The following ME2 variants were observed in gnomAD, a reference collection of about 807,000 sequenced individuals.
ME2 encodes malic enzyme 2, also known as NAD-dependent malic enzyme, mitochondrial.
ME2 carries 60 observed loss-of-function variants against 73.7 expected under a neutral mutation model. That is an observed-to-expected ratio of 0.81 (90% CI 0.66 to 1.01). ME2 has a LOEUF of 1.01. ME2 is among the 50% of genes least tolerant of loss of function. The probability of loss-of-function intolerance (pLI) is 0.00; values close to 1 mark genes in which losing one functional copy is unlikely to be tolerated. For synonymous variants in ME2, 199 were observed against 236.9 expected (o/e 0.84, Z 1.47); for missense variants, 594 against 705.5 (o/e 0.84, Z 1.79).
chr18:50,927,670 C>G (rs1168617334), intron 12 of ME2, among the ~76,000 whole-genome samples: 1 of 141,668 alleles, frequency 7.1e-6, no homozygotes, highest in Non-Finnish European at 1.5e-5. Context: ...CCACTGCACT[C>G]CAGCCTGGGT....
intron 1 of ME2, among the ~76,000 whole-genome samples, chr18:50,892,652 T>C (rs1414641862): frequency 6.6e-6 from 1 of 152,232 alleles, no homozygotes; most frequent in Non-Finnish European, 1.5e-5. Flanking sequence ...TCAGCCACTT[T>C]GCTGAAGTCT....
At chr18:50,885,246 G>T (rs1251994352) in intron 1 of ME2, among the ~76,000 whole-genome samples, 1 of 152,188 alleles carries the variant, frequency 6.6e-6, no homozygotes, top group Non-Finnish European at 1.5e-5. Flanking sequence ...TTTTAGCTGG[G>T]TGTGATGGCT....
At chr18:50,924,353 G>C in intron 11 of ME2, 141 bp downstream of exon 11, 1 of 585,500 alleles carries the variant, frequency 1.7e-6, no homozygotes, top group Non-Finnish European at 3.0e-6. Flanking sequence ...ATAACTTTTT[G>C]GTTACCATGC....
chr18:50,912,948 T>G lies in ME2; in HGVS notation c.390T>G (p.Pro130=). 1 of 1,584,798 alleles carries G rather than the reference T, an allele frequency of 6.3e-7. No individual in the cohort carries two copies. The highest frequency in any genetic ancestry group is 8.5e-7 in the Non-Finnish European group (1 of 1,171,220). ...CSQYGHIFRR[P]KGLFISISDR... ...AGTATGGACACATCTTTAGAAGACC[T>G]AAGTAAGGCTTGTTTAAAAAAAAGC... The change falls in exon 4 of 16, where the codon CCT becomes CCG. Residue 130 remains proline, a splice_region_variant and synonymous_variant. Coordinates refer to ENST00000321341, the MANE Select transcript of ME2 (RefSeq NM_002396.5).
At chr18:50,946,938 T>C (rs1026836227) in intron 15 of ME2, 79 bp from the exon 16 acceptor site, 5 of 1,007,562 alleles carry the variant, frequency 5.0e-6, no homozygotes, top group Non-Finnish European at 4.5e-6. Flanking sequence ...TAAACTTATT[T>C]TCCTGTGTTA....
intron 12 of ME2, among the ~76,000 whole-genome samples, chr18:50,928,257 T>C (rs1917610950): frequency 6.6e-6 from 1 of 151,732 alleles, no homozygotes; most frequent in Non-Finnish European, 1.5e-5. Context: ...TTTTTCTTTT[T>C]TTTTTTGAGA....
At chr18:50,938,724 G>A (rs1917872238) in intron 13 of ME2, among the ~76,000 whole-genome samples, 1 of 152,148 alleles carries the variant, frequency 6.6e-6, no homozygotes, top group Non-Finnish European at 1.5e-5. Flanking sequence ...GGTTTTCTAG[G>A]ATGACAGCTC....
intron 13 of ME2, 188 bp downstream of exon 13, chr18:50,932,548 G>T (rs867220103): frequency 2.3e-6 from 1 of 435,454 alleles, no homozygotes; most frequent in Non-Finnish European, 4.1e-6. Flanking sequence ...TATTCATATT[G>T]TTAATTAAAT....
intron 5 of ME2, chr18:50,916,479 G>T: frequency 5.5e-6 from 2 of 362,698 alleles, no homozygotes; most frequent in Non-Finnish European, 4.9e-6. Flanking sequence ...GAGCCCTCTC[G>T]GTATCAGCAC....
Position 50,944,070 on chromosome 18 carries a change from C to T in ME2, c.1588-2947C>T, listed in dbSNP as rs758821331. On this transcript the variant is annotated intron_variant, in intron 15 of 15. Coordinates refer to ENST00000321341, the MANE Select transcript of ME2 (RefSeq NM_002396.5). ...CATCTCTACCAAAAAAAAAATTAGC[C>T]GGGCACAGTGATATGTGCCTGTAGT... Among the ~76,000 whole-genome samples the T allele has an allele frequency of 2.6e-4, 39 of 152,032 alleles. 1 individual carries two copies. The highest frequency in any genetic ancestry group is 4.3e-4 in the Non-Finnish European group (29 of 68,006).
rs1918112298 is a variant in ME2 at position 50,947,400 on chromosome 18, C to CT, written c.*219dup. On this transcript the variant is annotated 3_prime_UTR_variant, in exon 16 of 16. Coordinates refer to ENST00000321341, the MANE Select transcript of ME2 (RefSeq NM_002396.5). ...ACCCTACAGTCAGATAGTTGTGATGCTTTAATTCTAACATACAGCCCGTAC... is the reference window on the plus strand; with the variant it reads ...ACCCTACAGTCAGATAGTTGTGATGCTTTTAATTCTAACATACAGCCCGTAC... 3.8e-6 allele frequency: 2 copies of CT among 530,982 alleles called. No homozygotes were observed. The highest frequency in any genetic ancestry group is 6.7e-6 in the Non-Finnish European group (2 of 299,234). 32.9% of individuals were successfully genotyped at this position (530,982 alleles called of 1,614,324 possible).
chr18:50,894,658 CAGG>C (rs1317793858), intron 1 of ME2, among the ~76,000 whole-genome samples: 22 of 151,404 alleles, frequency 1.5e-4, no homozygotes, highest in African/African-American at 5.1e-4. Flanking sequence ...ATCACAAGGT[CAGG>C]AGATCGAGAC....
In ME2 at chr18:50,918,171, A is replaced by T. The variant is rs199794906; in HGVS notation, c.692A>T (p.Tyr231Phe). The change falls in exon 7 of 16, where the codon TAT becomes TTT. Residue 231 changes from tyrosine (Y) to phenylalanine (F), a missense_variant. Coordinates refer to ENST00000321341, the MANE Select transcript of ME2 (RefSeq NM_002396.5). ...CAGAAACGAGATCGCACACAACAGT[A>T]TGATGACCTGATTGATGAGTTTATG... Reference protein sequence around the residue: ...LYQKRDRTQQYDDLIDEFMKA... With the variant: ...LYQKRDRTQQFDDLIDEFMKA... 2.5e-6 allele frequency: 4 copies of T among 1,610,924 alleles called. No homozygotes were observed. The highest frequency in any genetic ancestry group is 3.4e-6 in the Non-Finnish European group (4 of 1,177,830).
intron 4 of ME2, chr18:50,915,880 C>A: frequency 4.8e-6 from 1 of 209,162 alleles, no homozygotes; most frequent in Admixed American, 6.0e-5. Context: ...TTTTTTTTTT[C>A]CTGGTGGTGT....
intron 10 of ME2, among the ~76,000 whole-genome samples, chr18:50,921,816 C>G (rs1045771362): frequency 6.6e-6 from 1 of 152,120 alleles, no homozygotes; most frequent in African/African-American, 2.4e-5. Context: ...AGCATGTGCT[C>G]CTGAAACCAA....
At chr18:50,892,749 G>A (rs1916635515) in intron 1 of ME2, among the ~76,000 whole-genome samples, 1 of 152,016 alleles carries the variant, frequency 6.6e-6, no homozygotes, top group African/African-American at 2.4e-5. Context: ...GACCTTCGTT[G>A]TAAATGGGCC....
intron 12 of ME2, among the ~76,000 whole-genome samples, chr18:50,927,721 C>CTTATAT (rs1555678357): frequency 1.2e-5 from 1 of 85,434 alleles, no homozygotes; most frequent in Admixed American, 1.8e-4. Flanking sequence ...CCCAAAAAAC[C>CTTATAT]ATATATATAT....
chr18:50,900,682 G>T (rs1167584099), intron 2 of ME2, among the ~76,000 whole-genome samples: 1 of 152,100 alleles, frequency 6.6e-6, no homozygotes, highest in African/African-American at 2.4e-5. Context: ...TAATTACCAC[G>T]TGTCAAAGGT....
At chr18:50,929,457 C>T (rs1190498981) in intron 12 of ME2, among the ~76,000 whole-genome samples, 1 of 143,654 alleles carries the variant, frequency 7.0e-6, no homozygotes, top group African/African-American at 2.6e-5. Context: ...CACTGCACTC[C>T]AGCCTGGGCA....
Sources: gnomAD v4.1 joint callset for allele counts (sites outside exome capture counted in the v4.1 genomes callset) on GRCh38, gnomAD v4.1.1 for gene constraint, MANE v1.5 for transcripts, NCBI Gene and HGNC (gene_info 2026-07-23, HGNC 2026-07-21) for gene names.